COL23A1: variants seen among roughly 807,000 people sequenced by gnomAD.
The protein encoded by COL23A1 is collagen type XXIII alpha 1 chain, also known as collagen alpha-1(XXIII) chain.
COL23A1 carries 97 observed loss-of-function variants against 99.3 expected under a neutral mutation model. The ratio of observed to expected loss-of-function variants is 0.98; its 90% CI spans 0.83 to 1.16. The LOEUF is 1.16. Among genes scored for constraint, COL23A1 ranks in the 50% most tolerant of loss-of-function variants. The pLI is 0.00. For missense variants in COL23A1, 762 were observed against 757.4 expected, an observed-to-expected ratio of 1.01 and a Z score of -0.07; for synonymous variants, 320 against 308.2, an observed-to-expected ratio of 1.04 and a Z score of -0.40.
chr5:178,455,814 T>A lies in COL23A1; in HGVS notation c.361+104868A>T, dbSNP rs528094475. Among the ~76,000 whole-genome samples the A allele has an allele frequency of 4.6e-5, 7 of 152,044 alleles. No homozygotes were observed. In the East Asian group the frequency reaches 1.4e-3, roughly 30 times the overall value. On this transcript the variant is annotated intron_variant, in intron 2 of 28. Transcript: ENST00000390654. ...TATGTCTGACACTGGCTCCCTCAGC[T>A]CGCCCGCCCATCAGGAGGAAGCCAG...
chr5:178,240,495 C>T (rs190251920), intron 27 of COL23A1, among the ~76,000 whole-genome samples: 4 of 152,340 alleles, frequency 2.6e-5, no homozygotes, highest in Admixed American at 6.5e-5. Context: ...CGCAGGGCCC[C>T]GCCAGCCTGG....
chr5:178,554,369 G>A (rs1762160060), intron 2 of COL23A1, among the ~76,000 whole-genome samples: 1 of 152,032 alleles, frequency 6.6e-6, no homozygotes, highest in Admixed American at 6.6e-5. Flanking sequence ...AGTAGAGACG[G>A]GGTTTCGCCA....
intron 2 of COL23A1, among the ~76,000 whole-genome samples, chr5:178,349,634 CT>C (rs565281282): frequency 2.0e-5 from 3 of 151,542 alleles, no homozygotes; most frequent in Admixed American, 6.6e-5. Context: ...GGAGGCTTTC[CT>C]TTTTTTTTGT....
intron 3 of COL23A1, among the ~76,000 whole-genome samples, chr5:178,297,069 G>A (rs1179601680): frequency 6.6e-6 from 1 of 152,234 alleles, no homozygotes; most frequent in African/African-American, 2.4e-5. Context: ...CAATGCCCTT[G>A]GGCACGGTGC....
intron 2 of COL23A1, among the ~76,000 whole-genome samples, chr5:178,320,985 A>G (rs892449646): frequency 3.9e-5 from 6 of 152,246 alleles, no homozygotes; most frequent in Non-Finnish European, 8.8e-5. Context: ...CTGAGAGGGC[A>G]GCCACAGTGT....
chr5:178,383,742 G>A (rs944247717), intron 2 of COL23A1, among the ~76,000 whole-genome samples: 2 of 152,300 alleles, frequency 1.3e-5, no homozygotes, highest in African/African-American at 2.4e-5. Context: ...AGCCCCCTGG[G>A]GTGAGGTTTT....
intron 2 of COL23A1, among the ~76,000 whole-genome samples, chr5:178,543,131 G>C (rs1761386089): frequency 6.6e-6 from 1 of 151,564 alleles, no homozygotes; most frequent in African/African-American, 2.4e-5. Flanking sequence ...TTTTGAGCCG[G>C]AGTTTCGCGC....
At chr5:178,464,190 G>GCTAT (rs1756288689) in intron 2 of COL23A1, among the ~76,000 whole-genome samples, 1 of 152,172 alleles carries the variant, frequency 6.6e-6, no homozygotes, top group Non-Finnish European at 1.5e-5. Flanking sequence ...AAACTGAAAT[G>GCTAT]CTATACCCAT....
At chr5:178,524,964 G>A (rs1208201982) in intron 2 of COL23A1, among the ~76,000 whole-genome samples, 5 of 152,104 alleles carry the variant, frequency 3.3e-5, no homozygotes, top group African/African-American at 4.8e-5. Flanking sequence ...TTTATGCTAC[G>A]TGTTTTCATT....
Position 178,310,514 on chromosome 5 carries a change from C to A in COL23A1, c.362-3595G>T, listed in dbSNP as rs575733654. Among the ~76,000 whole-genome samples the A allele has an allele frequency of 1.3e-5, 2 of 152,228 alleles. No homozygotes were observed. Among genetic ancestry groups the A allele is most frequent in the Non-Finnish European group, 2.9e-5 (2 of 68,042 alleles). On this transcript the variant is annotated intron_variant, in intron 2 of 28. Transcript: ENST00000390654. This position sits in a 1 kb window ranked among gnomAD's most constrained non-coding sequence, Gnocchi z 4.3. ...CCCTGCACAGATGAGAACTCTGGGG[C>A]TAAGCCAGGTGAAGGGGCCCACCTA... is the stretch of plus-strand genomic sequence containing the variant.
chr5:178,344,190 C>T (rs1416900378), intron 2 of COL23A1, among the ~76,000 whole-genome samples: 1 of 152,198 alleles, frequency 6.6e-6, no homozygotes, highest in Non-Finnish European at 1.5e-5. Context: ...TCCATGGATG[C>T]TCAAGTCCCT....
In COL23A1 at chr5:178,365,287, C is replaced by G. The variant is rs948403214; in HGVS notation, c.362-58368G>C. 6.6e-6 allele frequency among the ~76,000 whole-genome samples: 1 copy of G among 152,060 alleles called. No individual in the cohort carries two copies. Among genetic ancestry groups the G allele is most frequent in the Non-Finnish European group, 1.5e-5 (1 of 68,016 alleles). ...GATGGTGTGGGAGAGCGAGGTTGTG[C>G]TTTGATGCATGGGGTAGAGGAACCC... On this transcript the variant is annotated intron_variant, in intron 2 of 28. Coordinates refer to ENST00000390654, the MANE Select transcript of COL23A1 (RefSeq NM_173465.4). This position sits in a 1 kb window ranked among gnomAD's most constrained non-coding sequence, Gnocchi z 5.2.
chr5:178,353,596 G>A (rs993729037), intron 2 of COL23A1, among the ~76,000 whole-genome samples: 8 of 152,238 alleles, frequency 5.3e-5, no homozygotes, highest in Middle Eastern at 3.4e-3. Context: ...ATAGAGAATC[G>A]CAAATGACCT....
intron 2 of COL23A1, among the ~76,000 whole-genome samples, chr5:178,475,009 G>C (rs1459838549): frequency 6.6e-6 from 1 of 152,148 alleles, no homozygotes; most frequent in Non-Finnish European, 1.5e-5. Flanking sequence ...GCCATTCCTT[G>C]GCTTTGTAGA....
chr5:178,277,771 G>A (rs865954709), intron 5 of COL23A1, among the ~76,000 whole-genome samples: 30 of 82,782 alleles, frequency 3.6e-4, no homozygotes, highest in African/African-American at 1.4e-3. Flanking sequence ...CTGTGCCTTT[G>A]AACCGATCCC....
chr5:178,296,887 G>C (rs1757775565), intron 3 of COL23A1, among the ~76,000 whole-genome samples: 1 of 152,214 alleles, frequency 6.6e-6, no homozygotes, highest in Non-Finnish European at 1.5e-5. Context: ...CTTCATGCCA[G>C]CACCAGCGTC....
chr5:178,541,053 G>A (rs1397185492), intron 2 of COL23A1, among the ~76,000 whole-genome samples: 1 of 152,188 alleles, frequency 6.6e-6, no homozygotes, highest in Non-Finnish European at 1.5e-5. Flanking sequence ...AACAGTCAAG[G>A]CAATCCTGAA....
At chr5:178,246,028 CTGGGAAGTCCAGCCCTG>C in intron 24 of COL23A1, 60 bp from the exon 25 acceptor site, 1 of 1,592,646 alleles carries the variant, frequency 6.3e-7, no homozygotes, top group Non-Finnish European at 8.6e-7. Context: ...AGCACAGCTG[CTGGGAAGTCCAGCCCTG>C]TGGGTTGGCC....
chr5:178,254,821 G>A (rs1037608313), intron 16 of COL23A1, 128 bp downstream of exon 16: 2 of 762,286 alleles, frequency 2.6e-6, no homozygotes, highest in Non-Finnish European at 4.4e-6. Flanking sequence ...AGTAACAGCC[G>A]GGGTCTTTGT....
Sources: allele counts gnomAD v4.1 joint callset (sites outside exome capture counted in the v4.1 genomes callset), GRCh38; gene constraint gnomAD v4.1.1; non-coding constraint Gnocchi (gnomAD v3.1); transcripts MANE v1.5; gene names NCBI Gene and HGNC (gene_info 2026-07-23, HGNC 2026-07-21).